Variants in SGCZ observed in about 807,000 individuals in gnomAD.
SGCZ encodes the protein zeta-sarcoglycan.
A neutral mutation model predicts 41.3 loss-of-function variants in SGCZ; 40 were observed. The ratio of observed to expected loss-of-function variants is 0.97; its 90% CI spans 0.75 to 1.26. The LOEUF (loss-of-function observed/expected upper bound fraction) is 1.26. Among genes scored for constraint, SGCZ ranks in the 50% most tolerant of loss-of-function variants. SGCZ has a pLI of 0.00. For synonymous variants in SGCZ, 206 were observed against 137.5 expected (o/e 1.50, Z -3.49); for missense variants, 552 against 369.8 (o/e 1.49, Z -4.04).
chr8:14,112,855 A>G (rs1487575803), intron 5 of SGCZ, among the ~76,000 whole-genome samples: 1 of 148,678 alleles, frequency 6.7e-6, no homozygotes, highest in Non-Finnish European at 1.5e-5. Context: ...ATACTAGTGG[A>G]AATGAGTTTG....
At chr8:14,453,698 T>A (rs1163773136) in intron 2 of SGCZ, among the ~76,000 whole-genome samples, 1 of 152,200 alleles carries the variant, frequency 6.6e-6, no homozygotes, top group Non-Finnish European at 1.5e-5. Flanking sequence ...TCCCTACAGA[T>A]TTTTCAGTTT....
intron 1 of SGCZ, among the ~76,000 whole-genome samples, chr8:15,041,727 T>A (rs1804103196): frequency 7.2e-6 from 1 of 139,508 alleles, no homozygotes; most frequent in Admixed American, 7.1e-5. Flanking sequence ...CAAACACATG[T>A]ATAATTTTCA....
At chr8:14,985,853 C>A (rs1245919984) in intron 1 of SGCZ, among the ~76,000 whole-genome samples, 1 of 152,116 alleles carries the variant, frequency 6.6e-6, no homozygotes, top group East Asian at 1.9e-4. Context: ...ATCTTTAAGT[C>A]AAAAGGCAAA....
rs146295064 is a variant in SGCZ at position 14,813,177 on chromosome 8, G to A, written c.40-258251C>T. ...AAGAGTTCAAAAACGATGAAGATTT[G>A]TTTTAATGCATAAAATGATCCTAAT... is the stretch of plus-strand genomic sequence containing the variant. On this transcript the variant is annotated intron_variant, in intron 1 of 7. Transcript: ENST00000382080. 4.6e-5 allele frequency among the ~76,000 whole-genome samples: 7 copies of A among 152,270 alleles called. No individual in the cohort carries two copies. The South Asian group carries it at 6.2e-4, about 14-fold the overall frequency.
intron 2 of SGCZ, among the ~76,000 whole-genome samples, chr8:14,518,711 G>A (rs974027924): frequency 2.0e-5 from 3 of 151,908 alleles, no homozygotes; most frequent in East Asian, 3.9e-4. Flanking sequence ...TAGTTGCAGT[G>A]TGGTAAAAGA....
intron 1 of SGCZ, among the ~76,000 whole-genome samples, chr8:15,176,862 G>T (rs137869650): frequency 6.6e-6 from 1 of 152,138 alleles, no homozygotes; most frequent in African/African-American, 2.4e-5. Context: ...TTAGCCAGGC[G>T]TGGTGGCAGG....
chr8:14,566,382 G>T (rs1434548865), intron 1 of SGCZ, among the ~76,000 whole-genome samples: 2 of 152,008 alleles, frequency 1.3e-5, no homozygotes, highest in African/African-American at 4.8e-5. Context: ...ATAAGATGGG[G>T]CCAGTGTGGG....
At chr8:15,205,826 A>G (rs983890284) in intron 1 of SGCZ, among the ~76,000 whole-genome samples, 1 of 152,224 alleles carries the variant, frequency 6.6e-6, no homozygotes, top group African/African-American at 2.4e-5. Context: ...TGTTCATTTC[A>G]GCATTATTCA....
chr8:14,109,300 C>G (rs183966786), intron 5 of SGCZ, among the ~76,000 whole-genome samples: 1 of 152,184 alleles, frequency 6.6e-6, no homozygotes, highest in East Asian at 1.9e-4. Flanking sequence ...TCCAGATTCT[C>G]ATAGCTTTTT....
chr8:14,408,836 A>G (rs1297179065), intron 2 of SGCZ, among the ~76,000 whole-genome samples: 1 of 152,098 alleles, frequency 6.6e-6, no homozygotes, highest in Non-Finnish European at 1.5e-5. Context: ...TTTCAGGTTA[A>G]ATGTTAGCTC....
intron 1 of SGCZ, among the ~76,000 whole-genome samples, chr8:14,712,321 A>C (rs1193119453): frequency 6.6e-6 from 1 of 152,224 alleles, no homozygotes; most frequent in Non-Finnish European, 1.5e-5. Flanking sequence ...TACTCAAGTA[A>C]ACTTCGCAGA....
At chr8:14,222,862 G>C (rs1176175473) in intron 4 of SGCZ, among the ~76,000 whole-genome samples, 1 of 135,574 alleles carries the variant, frequency 7.4e-6, no homozygotes, top group African/African-American at 2.8e-5. Flanking sequence ...GCCCAGGCTG[G>C]TGTGCAGTGG....
intron 2 of SGCZ, among the ~76,000 whole-genome samples, chr8:14,330,541 C>A (rs1353678419): frequency 1.3e-5 from 2 of 151,684 alleles, no homozygotes; most frequent in Non-Finnish European, 2.9e-5. Flanking sequence ...ACATTCAAAC[C>A]TACGATTTAA....
At chr8:15,146,478 G>C (rs1244208440) in intron 1 of SGCZ, among the ~76,000 whole-genome samples, 3 of 152,122 alleles carry the variant, frequency 2.0e-5, no homozygotes, top group Admixed American at 1.3e-4. Context: ...GTTCTCTAGT[G>C]ATCCTCCTGC....
intron 1 of SGCZ, among the ~76,000 whole-genome samples, chr8:15,013,336 A>C (rs1051155080): frequency 6.6e-6 from 1 of 152,208 alleles, no homozygotes; most frequent in Non-Finnish European, 1.5e-5. Flanking sequence ...GGAATCATAA[A>C]GTTGTTATGG....
intron 3 of SGCZ, among the ~76,000 whole-genome samples, chr8:14,248,931 A>G (rs2117201060): frequency 6.6e-6 from 1 of 152,314 alleles, no homozygotes; most frequent in East Asian, 1.9e-4. Flanking sequence ...ATAATTACAA[A>G]TAATAATGGA....
chr8:14,176,908 T>C (rs1804559029), intron 4 of SGCZ, among the ~76,000 whole-genome samples: 1 of 152,210 alleles, frequency 6.6e-6, no homozygotes, highest in Non-Finnish European at 1.5e-5. Context: ...CAGGAGTGCC[T>C]TGTATGTAAG....
chr8:14,453,144 T>C (rs991333413), intron 2 of SGCZ, among the ~76,000 whole-genome samples: 1 of 152,098 alleles, frequency 6.6e-6, no homozygotes, highest in African/African-American at 2.4e-5. Context: ...AGTAAATATG[T>C]TATATACATT....
chr8:14,281,538 C>T (rs966562797), intron 3 of SGCZ, among the ~76,000 whole-genome samples: 2 of 151,914 alleles, frequency 1.3e-5, no homozygotes, highest in African/African-American at 4.8e-5. Context: ...GCACATTTTG[C>T]ATGCAATTTT....
Sources: allele counts gnomAD v4.1 joint callset (sites outside exome capture counted in the v4.1 genomes callset), GRCh38; gene constraint gnomAD v4.1.1; transcripts MANE v1.5; gene names NCBI Gene and HGNC (gene_info 2026-07-23, HGNC 2026-07-21).